The following TLR6 variants were observed in gnomAD, a reference collection of about 807,000 sequenced individuals.
TLR6 encodes toll-like receptor 6.
TLR6 carries 9 observed loss-of-function variants against 16.1 expected under a neutral mutation model. The observed-to-expected ratio is 0.56, with a 90% CI of 0.34 to 0.98. The LOEUF is 0.98. Among genes scored for constraint, TLR6 ranks in the 50% least tolerant of loss-of-function variants. TLR6 has a pLI of 0.02. For missense variants in TLR6, 786 were observed against 921.0 expected (o/e 0.85, Z 1.90); for synonymous variants, 340 against 338.6 (o/e 1.00, Z -0.04).
chr4:38,842,365 G>C (rs568822572), intron 1 of TLR6, among the ~76,000 whole-genome samples: 2 of 152,184 alleles, frequency 1.3e-5, no homozygotes, highest in Non-Finnish European at 2.9e-5. Flanking sequence ...AGCCATAAGT[G>C]GCCTGGCAGA....
intron 1 of TLR6, among the ~76,000 whole-genome samples, chr4:38,847,179 A>T (rs56046352): frequency 0.25 from 37,329 of 152,124 alleles, 5,061 homozygotes; most frequent in Non-Finnish European, 0.28. Context: ...AAATACAACT[A>T]TAGGTATTTA....
intron 1 of TLR6, among the ~76,000 whole-genome samples, chr4:38,842,328 C>T (rs918238653): frequency 3.3e-5 from 5 of 152,206 alleles, no homozygotes; most frequent in Non-Finnish European, 2.9e-5. Context: ...CTCCCTCCAC[C>T]TTCATGAATT....
exon 2 of TLR6, chr4:38,826,169 G>A (rs946618478): frequency 1.3e-5 from 2 of 152,242 alleles, no homozygotes; most frequent in Non-Finnish European, 2.9e-5. Context: ...CCTCACACTT[G>A]TCTGCAAGAA....
intron 1 of TLR6, among the ~76,000 whole-genome samples, chr4:38,852,623 T>C (rs1397856682): frequency 1.2e-4 from 18 of 151,832 alleles, no homozygotes; most frequent in Non-Finnish European, 2.9e-5. Context: ...AAAAGACACA[T>C]GAAAAAATGC....
At chr4:38,861,451 C>T (rs546238591), upstream of TLR6, among the ~76,000 whole-genome samples, 1 of 152,322 alleles carries the variant, frequency 6.6e-6, no homozygotes, top group East Asian at 1.9e-4. Context: ...AACTCTTCCT[C>T]CAGTGCCAAC....
upstream of TLR6, among the ~76,000 whole-genome samples, chr4:38,858,822 AG>A (rs1713111941): frequency 8.5e-6 from 1 of 117,572 alleles, no homozygotes; most frequent in African/African-American, 3.5e-5. Flanking sequence ...AGGGAGAGAG[AG>A]AGAGAGAGGA....
At chr4:38,834,555 T>A (rs1560265716) in intron 1 of TLR6, among the ~76,000 whole-genome samples, 2 of 152,182 alleles carry the variant, frequency 1.3e-5, no homozygotes, top group East Asian at 3.9e-4. Context: ...AATTCCCAAG[T>A]AGATTTAATT....
the TLR6 span, among the ~76,000 whole-genome samples, chr4:38,862,732 AC>A: frequency 2.0e-5 from 3 of 150,508 alleles, no homozygotes; most frequent in Non-Finnish European, 4.4e-5. Flanking sequence ...AGTAGCTGGG[AC>A]TACAGGCACG....
exon 2 of TLR6, chr4:38,829,012 A>G (rs150207913): frequency 6.2e-7 from 1 of 1,613,994 alleles, no homozygotes; most frequent in Non-Finnish European, 8.5e-7. Context: ...GCTTCATAGC[A>G]CTCAATCCCA....
chr4:38,847,556 G>A (rs1220465253), intron 1 of TLR6, among the ~76,000 whole-genome samples: 1 of 152,150 alleles, frequency 6.6e-6, no homozygotes, highest in African/African-American at 2.4e-5. Flanking sequence ...GTGACAGATG[G>A]CACCTGGAAA....
chr4:38,825,846 A>G (rs1727518972), exon 2 of TLR6: 1 of 152,444 alleles, frequency 6.6e-6, no homozygotes, highest in Non-Finnish European at 1.5e-5. Context: ...GCAGGTTGCT[A>G]TCAGTGCTTC....
chr4:38,823,554 G>T (rs1727405679), downstream of TLR6, among the ~76,000 whole-genome samples: 1 of 152,206 alleles, frequency 6.6e-6, no homozygotes, highest in South Asian at 2.1e-4. Context: ...ACAGTGTTAA[G>T]AACTGAAAAC....
chr4:38,865,803 C>G, the TLR6 span, among the ~76,000 whole-genome samples: 2 of 152,216 alleles, frequency 1.3e-5, no homozygotes, highest in Non-Finnish European at 2.9e-5. Flanking sequence ...GCAGTTTCCA[C>G]CCACTCTCAC....
At chr4:38,826,304 G>C (rs1273303672) in exon 2 of TLR6, 3 of 152,182 alleles carry the variant, frequency 2.0e-5, no homozygotes, top group Non-Finnish European at 4.4e-5. Context: ...CTGCTCTTTT[G>C]ATAAGTCCAG....
exon 2 of TLR6, chr4:38,828,791 A>G (rs1727683637): frequency 1.2e-6 from 2 of 1,613,816 alleles, no homozygotes; most frequent in African/African-American, 2.7e-5. Context: ...ATTCAATTTA[A>G]TATTAGTCAG....
At chr4:38,833,421 C>T (rs1487865185) in intron 1 of TLR6, among the ~76,000 whole-genome samples, 1 of 152,172 alleles carries the variant, frequency 6.6e-6, no homozygotes, top group Non-Finnish European at 1.5e-5. Flanking sequence ...CACTGAGGAA[C>T]CCAAATGCCA....
chr4:38,832,056 A>T (rs1711629107), intron 1 of TLR6, among the ~76,000 whole-genome samples: 1 of 152,248 alleles, frequency 6.6e-6, no homozygotes, highest in African/African-American at 2.4e-5. Flanking sequence ...GTGGATGTTT[A>T]TAGAAGCTTT....
At chr4:38,863,086 C>T in the TLR6 span, among the ~76,000 whole-genome samples, 2 of 152,084 alleles carry the variant, frequency 1.3e-5, no homozygotes, top group Admixed American at 1.3e-4. Flanking sequence ...GTTTCCTTCC[C>T]CACCGGTCAG....
At chr4:38,858,879 G>GAA (rs1314233689), upstream of TLR6, among the ~76,000 whole-genome samples, 1 of 99,796 alleles carries the variant, frequency 1.0e-5, no homozygotes, top group Non-Finnish European at 2.2e-5. Context: ...AAGAAAGAAA[G>GAA]AAAGAAAGAG....
Sources: gnomAD v4.1 joint callset for allele counts (sites outside exome capture counted in the v4.1 genomes callset) on GRCh38, gnomAD v4.1.1 for gene constraint, MANE v1.5 for transcripts, NCBI Gene and HGNC (gene_info 2026-07-23, HGNC 2026-07-21) for gene names.